The following VEPH1 variants were observed in gnomAD, a reference collection of about 807,000 sequenced individuals.
The protein encoded by VEPH1 is ventricular zone expressed PH domain containing 1, also known as ventricular zone-expressed PH domain-containing protein homolog 1.
VEPH1 carries 80 observed loss-of-function variants against 85.2 expected under a neutral mutation model. The observed-to-expected ratio is 0.94, with a 90% CI of 0.78 to 1.13. VEPH1 has a LOEUF of 1.13. Ranked by LOEUF, VEPH1 falls within the 50% of genes most tolerant of loss-of-function variation. VEPH1 has a pLI of 0.00. For missense variants in VEPH1, 955 were observed against 980.5 expected, an observed-to-expected ratio of 0.97 and a Z score of 0.35; for synonymous variants, 297 against 348.0, an observed-to-expected ratio of 0.85 and a Z score of 1.63.
At chr3:157,315,817 G>C (rs959894794) in intron 10 of VEPH1, 1 of 151,286 alleles carries the variant, frequency 6.6e-6, no homozygotes, top group Non-Finnish European at 1.5e-5. Context: ...TCAGAAAACT[G>C]ACAACTGTTT....
intron 4 of VEPH1, among the ~76,000 whole-genome samples, chr3:157,455,103 T>C (rs1487659104): frequency 3.3e-5 from 5 of 152,190 alleles, no homozygotes; most frequent in Non-Finnish European, 7.3e-5. Flanking sequence ...TTTGGGTATA[T>C]ATACCCAGCA....
At chr3:157,478,764 T>A (rs1461054361) in intron 2 of VEPH1, among the ~76,000 whole-genome samples, 2 of 152,232 alleles carry the variant, frequency 1.3e-5, no homozygotes, top group Non-Finnish European at 2.9e-5. Flanking sequence ...TTACTTCACA[T>A]TGTTCATAAC....
chr3:157,304,892 G>C (rs1719285540), intron 11 of VEPH1, among the ~76,000 whole-genome samples: 1 of 151,758 alleles, frequency 6.6e-6, no homozygotes, highest in African/African-American at 2.4e-5. Context: ...AAGTAATTTT[G>C]TACCCTGAAA....
At chr3:157,273,862 A>G (rs1057231968) in intron 12 of VEPH1, among the ~76,000 whole-genome samples, 1 of 152,188 alleles carries the variant, frequency 6.6e-6, no homozygotes, top group Non-Finnish European at 1.5e-5. Context: ...ACCAATTATA[A>G]TTTATTTAAC....
chr3:157,327,883 A>T (rs1233101928), intron 9 of VEPH1, among the ~76,000 whole-genome samples: 1 of 152,170 alleles, frequency 6.6e-6, no homozygotes, highest in African/African-American at 2.4e-5. Context: ...CTGCCCTGAG[A>T]GAGGGAACAA....
At chr3:157,302,159 C>T (rs372179071) in intron 11 of VEPH1, among the ~76,000 whole-genome samples, 1 of 152,162 alleles carries the variant, frequency 6.6e-6, no homozygotes, top group East Asian at 1.9e-4. Flanking sequence ...TACCTCCAAC[C>T]GTTATATTGA....
At chr3:157,395,572 C>G (rs904279102) in intron 6 of VEPH1, among the ~76,000 whole-genome samples, 2 of 152,084 alleles carry the variant, frequency 1.3e-5, no homozygotes, top group Non-Finnish European at 2.9e-5. Flanking sequence ...TCATCATATC[C>G]ACTTGATTAT....
intron 5 of VEPH1, among the ~76,000 whole-genome samples, chr3:157,416,263 A>G (rs1196676678): frequency 6.6e-6 from 1 of 152,218 alleles, no homozygotes; most frequent in Non-Finnish European, 1.5e-5. Context: ...GTATTACTAC[A>G]AAACAACTAA....
chr3:157,343,984 A>C (rs1291120063), intron 9 of VEPH1, among the ~76,000 whole-genome samples: 5 of 152,238 alleles, frequency 3.3e-5, no homozygotes, highest in Non-Finnish European at 7.3e-5. Flanking sequence ...ACAGCCCTTC[A>C]TGTGAAAAAC....
rs935450571 is a variant in VEPH1, at chr3:157,261,251, T to C, written c.2385A>G (p.Lys795=). 1 of 1,613,650 alleles carries C rather than the reference T, an allele frequency of 6.2e-7. No individual in the cohort carries two copies. Among genetic ancestry groups the C allele is most frequent in the African/African-American group, 1.3e-5 (1 of 74,890 alleles). ...PRAFEIFTDN[K]TYVFKAKDEK... is the part of the protein sequence containing the mutation. ...CATCCTTGGCCTTAAAGACATAGGTTTTATTGTCTGTGAAGATTTCGAAAG... is the reference window on the plus strand; with the variant it reads ...CATCCTTGGCCTTAAAGACATAGGTCTTATTGTCTGTGAAGATTTCGAAAG... The change falls in exon 14 of 14, where the codon AAA becomes AAG. Residue 795 remains lysine (K), a synonymous_variant. Coordinates refer to ENST00000362010, the MANE Select transcript of VEPH1 (RefSeq NM_001167912.2).
intron 6 of VEPH1, among the ~76,000 whole-genome samples, chr3:157,382,488 T>C (rs1175697990): frequency 6.6e-6 from 1 of 152,240 alleles, no homozygotes; most frequent in Non-Finnish European, 1.5e-5. Flanking sequence ...GAAATAATGA[T>C]ATACCATTAA....
chr3:157,360,035 A>G (rs1725871708), intron 9 of VEPH1, among the ~76,000 whole-genome samples: 1 of 152,214 alleles, frequency 6.6e-6, no homozygotes, highest in South Asian at 2.1e-4. Context: ...AAGATCAAAT[A>G]TGTTGCATTT....
chr3:157,489,687 C>T (rs1338882009), intron 2 of VEPH1, among the ~76,000 whole-genome samples: 1 of 148,144 alleles, frequency 6.8e-6, no homozygotes, highest in African/African-American at 2.5e-5. Flanking sequence ...CTGTCTTACC[C>T]AATTAAATGG....
intron 4 of VEPH1, among the ~76,000 whole-genome samples, chr3:157,454,192 A>G (rs1327904560): frequency 6.6e-6 from 1 of 152,216 alleles, no homozygotes; most frequent in Non-Finnish European, 1.5e-5. Flanking sequence ...TGAAAAAAAC[A>G]TAATTGCTTT....
At chr3:157,488,081 A>G (rs1738823997) in intron 2 of VEPH1, among the ~76,000 whole-genome samples, 1 of 152,200 alleles carries the variant, frequency 6.6e-6, no homozygotes, top group South Asian at 2.1e-4. Context: ...AAACAAAACT[A>G]TAATTATTTT....
chr3:157,381,051 A>T (rs571178863), intron 7 of VEPH1, 105 bp downstream of exon 7: 2 of 1,130,896 alleles, frequency 1.8e-6, no homozygotes, highest in Admixed American at 3.7e-5. Flanking sequence ...CTCTGTTGAG[A>T]TACAGGTTTT....
chr3:157,497,649 C>A (rs1204201200), intron 1 of VEPH1, among the ~76,000 whole-genome samples: 1 of 152,144 alleles, frequency 6.6e-6, no homozygotes, highest in Non-Finnish European at 1.5e-5. Flanking sequence ...GTCATAGATG[C>A]TCAGGAGCTC....
At chr3:157,315,225 TTTA>T (rs1720616254) in intron 10 of VEPH1, among the ~76,000 whole-genome samples, 3 of 151,984 alleles carry the variant, frequency 2.0e-5, no homozygotes, top group Admixed American at 6.6e-5. Flanking sequence ...CCAGAAAAAT[TTTA>T]TTATTATCAA....
At chr3:157,479,853 G>T (rs1324371559) in intron 2 of VEPH1, among the ~76,000 whole-genome samples, 13 of 152,172 alleles carry the variant, frequency 8.5e-5, no homozygotes. Context: ...ATTTACAACA[G>T]TGTCTGGTGC....
Sources: allele counts gnomAD v4.1 joint callset (sites outside exome capture counted in the v4.1 genomes callset), GRCh38; gene constraint gnomAD v4.1.1; transcripts MANE v1.5; gene names NCBI Gene and HGNC (gene_info 2026-07-23, HGNC 2026-07-21).